Variants in CLVS2 observed in about 807,000 individuals in gnomAD.
The protein encoded by CLVS2 is clavesin 2, also known as clavesin-2.
Under a neutral mutation model 29.0 loss-of-function variants are expected in CLVS2, and 19 were observed. The observed-to-expected ratio is 0.66, with a 90% CI of 0.46 to 0.96. CLVS2 has a LOEUF of 0.96. Among genes scored for constraint, CLVS2 ranks in the 40% least tolerant of loss-of-function variants. The pLI is 0.00. For synonymous variants in CLVS2, 161 were observed against 151.3 expected (o/e 1.06, Z -0.47); for missense variants, 294 against 404.1 (o/e 0.73, Z 2.34).
intron 3 of CLVS2, among the ~76,000 whole-genome samples, chr6:123,023,606 G>T (rs1284914563): frequency 2.0e-5 from 3 of 152,102 alleles, no homozygotes; most frequent in Non-Finnish European, 4.4e-5. Context: ...GGAAGAAAGA[G>T]ATTTACTTTT....
At chr6:123,032,477 C>T (rs889855231) in intron 3 of CLVS2, among the ~76,000 whole-genome samples, 2 of 151,924 alleles carry the variant, frequency 1.3e-5, no homozygotes, top group African/African-American at 4.8e-5. Flanking sequence ...AAGGAAAATC[C>T]ATGGAAGCAG....
chr6:123,001,203 A>G (rs1774583870), intron 2 of CLVS2, among the ~76,000 whole-genome samples: 1 of 152,214 alleles, frequency 6.6e-6, no homozygotes, highest in Non-Finnish European at 1.5e-5. Context: ...TCTTCAGGAC[A>G]CTGAAAACAG....
intron 3 of CLVS2, among the ~76,000 whole-genome samples, chr6:123,030,837 AATAT>A (rs150269067): frequency 6.8e-6 from 1 of 146,210 alleles, no homozygotes. Flanking sequence ...ATATATATAA[AATAT>A]ATATATATAC....
chr6:123,054,257 C>A lies in CLVS2; in HGVS notation c.676-1549C>A, dbSNP rs141202841. Among the ~76,000 whole-genome samples the A allele has an allele frequency of 2.6e-3, 396 of 152,268 alleles. 1 individual carries two copies. Among genetic ancestry groups the A allele is most frequent in the African/African-American group, 8.7e-3 (363 of 41,564 alleles). On this transcript the variant is annotated intron_variant, in intron 4 of 5. Coordinates refer to ENST00000275162, the MANE Select transcript of CLVS2 (RefSeq NM_001010852.4). ...CACAGGAAAATTATTTTCATTTCTT[C>A]TTATAAGAAGAACACAGGGGTGCAC...
intron 2 of CLVS2, among the ~76,000 whole-genome samples, chr6:123,007,308 A>C (rs1323600021): frequency 6.6e-6 from 1 of 152,206 alleles, no homozygotes; most frequent in Non-Finnish European, 1.5e-5. Context: ...CATTTTTAAA[A>C]GAGAAAAGGG....
chr6:123,015,702 T>C (rs1774821544), intron 3 of CLVS2, among the ~76,000 whole-genome samples: 1 of 152,106 alleles, frequency 6.6e-6, no homozygotes, highest in African/African-American at 2.4e-5. Context: ...CACAAATGGC[T>C]GGCCTGTGGC....
chr6:123,014,531 G>A (rs184802460), intron 3 of CLVS2, among the ~76,000 whole-genome samples: 3 of 152,178 alleles, frequency 2.0e-5, no homozygotes, highest in East Asian at 3.9e-4. Flanking sequence ...ACCCTGCCAT[G>A]CATCAAATAC....
At position 122,997,912 on chromosome 6, in the gene CLVS2, C is replaced by G; in HGVS notation, c.135C>G (p.Gly45=). The G allele has an allele frequency of 6.2e-7, 1 of 1,614,216 alleles. No individual in the cohort carries two copies. Among genetic ancestry groups the G allele is most frequent in the Non-Finnish European group, 8.5e-7 (1 of 1,180,050 alleles). The part of the protein sequence containing the change: ...RDMVITRPDI[G]FLRTDDAFIL... ...TGGTCATCACCAGGCCGGACATTGG[C>G]TTTCTGCGCACGGATGATGCCTTCA... Residue 45 remains glycine, a synonymous_variant, in exon 2 of 6, where the codon GGC becomes GGG. Coordinates refer to ENST00000275162, the MANE Select transcript of CLVS2 (RefSeq NM_001010852.4).
intron 3 of CLVS2, among the ~76,000 whole-genome samples, chr6:123,029,742 T>G (rs1775056696): frequency 6.6e-6 from 1 of 152,196 alleles, no homozygotes; most frequent in Non-Finnish European, 1.5e-5. Flanking sequence ...CTAGCATCCC[T>G]ATGATAAAGA....
chr6:123,058,314 C>T (rs1010031761), intron 5 of CLVS2, among the ~76,000 whole-genome samples: 3 of 152,130 alleles, frequency 2.0e-5, no homozygotes, highest in African/African-American at 7.2e-5. Flanking sequence ...GCACAGAGGC[C>T]CTTTCTCAGA....
At chr6:123,028,015 G>A (rs950745738) in intron 3 of CLVS2, among the ~76,000 whole-genome samples, 1 of 152,100 alleles carries the variant, frequency 6.6e-6, no homozygotes, top group African/African-American at 2.4e-5. Flanking sequence ...CTGATCAAAT[G>A]TTGGTAAATC....
chr6:123,001,045 T>A (rs1200938614), intron 2 of CLVS2, among the ~76,000 whole-genome samples: 1 of 152,250 alleles, frequency 6.6e-6, no homozygotes, highest in Non-Finnish European at 1.5e-5. Flanking sequence ...CATGTTATTA[T>A]ATTTAGTACG....
At position 123,004,782 on chromosome 6, in the gene CLVS2, G is replaced by A. The variant is rs568780101; in HGVS notation, c.390-6203G>A. 3.9e-4 allele frequency among the ~76,000 whole-genome samples: 60 copies of A among 151,966 alleles called. No individual in the cohort carries two copies. The South Asian group carries it at 0.011, about 28-fold the overall frequency. ...ACAAAAATTAGCCAGGCCTGGTGGC[G>A]GGCGCCTGTAATCCCAGCTACTTGG... On this transcript the variant is annotated intron_variant, in intron 2 of 5. Coordinates refer to ENST00000275162, the MANE Select transcript of CLVS2 (RefSeq NM_001010852.4).
intron 5 of CLVS2, among the ~76,000 whole-genome samples, chr6:123,061,829 A>G (rs1455107254): frequency 1.3e-5 from 2 of 152,122 alleles, no homozygotes; most frequent in Non-Finnish European, 2.9e-5. Context: ...GAGCTTTGGT[A>G]TGTACTTATG....
At position 123,067,830 on chromosome 6, in the gene CLVS2, A is replaced by G. The variant is rs996704121; in HGVS notation, c.*4069A>G. Reference sequence around the variant, plus strand: ...ATATGCAAGGTGTGTAATTATCTTCAGTAATGAAAAGGATTTGTTTTCTTG... The same window carrying G: ...ATATGCAAGGTGTGTAATTATCTTCGGTAATGAAAAGGATTTGTTTTCTTG... On this transcript the variant is annotated 3_prime_UTR_variant, in exon 6 of 6. Coordinates refer to ENST00000275162, the MANE Select transcript of CLVS2 (RefSeq NM_001010852.4). The G allele has an allele frequency of 2.0e-5, 3 of 151,718 alleles. No homozygotes were observed. The highest frequency in any genetic ancestry group is 4.8e-5 in the African/African-American group (2 of 41,408). 9.4% of individuals were successfully genotyped at this position (151,718 alleles called of 1,614,324 possible).
intron 2 of CLVS2, among the ~76,000 whole-genome samples, chr6:123,003,099 CT>C (rs1774614410): frequency 6.6e-6 from 1 of 152,144 alleles, no homozygotes; most frequent in African/African-American, 2.4e-5. Flanking sequence ...TGATGAATCT[CT>C]GCAAAAATAG....
intron 3 of CLVS2, among the ~76,000 whole-genome samples, chr6:123,018,048 T>C (rs770038539): frequency 1.1e-4 from 17 of 152,062 alleles, no homozygotes; most frequent in Non-Finnish European, 2.1e-4. Flanking sequence ...AATAGAACAA[T>C]TGAAGTAACA....
intron 4 of CLVS2, 66 bp downstream of exon 4, chr6:123,048,798 G>A (rs1251853396): frequency 2.1e-6 from 2 of 946,324 alleles, no homozygotes; most frequent in African/African-American, 1.6e-5. Context: ...TGCATAATGT[G>A]TATATAATGT....
chr6:123,021,569 T>C (rs76396345), intron 3 of CLVS2, among the ~76,000 whole-genome samples: 4,497 of 152,192 alleles, frequency 0.03, 78 homozygotes, highest in African/African-American at 0.049. Flanking sequence ...TTTATTTTTA[T>C]TTTGAGACCA....
Sources: gnomAD v4.1 joint callset for allele counts (sites outside exome capture counted in the v4.1 genomes callset) on GRCh38, gnomAD v4.1.1 for gene constraint, MANE v1.5 for transcripts, NCBI Gene and HGNC (gene_info 2026-07-23, HGNC 2026-07-21) for gene names.